The following SUPT3H variants were observed in gnomAD, a reference collection of about 807,000 sequenced individuals.
SUPT3H encodes transcription initiation protein SPT3 homolog.
A neutral mutation model predicts 44.3 loss-of-function variants in SUPT3H; 44 were observed. The observed-to-expected ratio is 0.99, with a 90% CI of 0.78 to 1.28. The LOEUF (loss-of-function observed/expected upper bound fraction) is 1.28. Among genes scored for constraint, SUPT3H ranks in the 50% most tolerant of loss-of-function variants. The probability of loss-of-function intolerance (pLI) is 0.00; values close to 1 mark genes in which losing one functional copy is unlikely to be tolerated. For missense variants in SUPT3H, 380 were observed against 387.1 expected (o/e 0.98, Z 0.15); for synonymous variants, 124 against 125.6 (o/e 0.99, Z 0.09).
At chr6:45,344,668 T>C (rs1325433146) in intron 2 of SUPT3H, among the ~76,000 whole-genome samples, 1 of 152,136 alleles carries the variant, frequency 6.6e-6, no homozygotes, top group East Asian at 1.9e-4. Flanking sequence ...ATGTTAACTT[T>C]TTAGGTAAAG....
chr6:45,290,876 A>G (rs76892110), intron 2 of SUPT3H, among the ~76,000 whole-genome samples: 3,624 of 152,280 alleles, frequency 0.024, 84 homozygotes, highest in Non-Finnish European at 0.04. Context: ...AGGCCCAAGA[A>G]AATGGATGGA....
At chr6:45,020,497 C>A in intron 4 of SUPT3H, 49 bp downstream of exon 4, 1 of 1,420,818 alleles carries the variant, frequency 7.0e-7, no homozygotes, top group South Asian at 1.2e-5. Context: ...CATGCAAGTT[C>A]AATTAAACAA....
chr6:45,316,551 A>AAG (rs1373323412), intron 2 of SUPT3H, among the ~76,000 whole-genome samples: 1 of 152,170 alleles, frequency 6.6e-6, no homozygotes, highest in African/African-American at 2.4e-5. Context: ...CTCTGGAATA[A>AAG]ACTGTTAGAA....
chr6:44,959,682 A>G (rs1032878803), intron 7 of SUPT3H, among the ~76,000 whole-genome samples: 1 of 152,188 alleles, frequency 6.6e-6, no homozygotes, highest in Non-Finnish European at 1.5e-5. Context: ...TATGAAAACA[A>G]AAGACTGAAT....
At chr6:45,219,054 G>A (rs566953017) in intron 2 of SUPT3H, among the ~76,000 whole-genome samples, 29 of 152,030 alleles carry the variant, frequency 1.9e-4, no homozygotes, top group African/African-American at 6.5e-4. Flanking sequence ...TCATAAAACT[G>A]AATGAAAATA....
At chr6:45,281,242 G>T (rs373952371) in intron 2 of SUPT3H, among the ~76,000 whole-genome samples, 8 of 152,304 alleles carry the variant, frequency 5.3e-5, no homozygotes, top group African/African-American at 1.9e-4. Flanking sequence ...CAGACAGTGG[G>T]GACAGGACAG....
intron 2 of SUPT3H, among the ~76,000 whole-genome samples, chr6:45,268,210 GA>G (rs1262550500): frequency 6.6e-6 from 1 of 152,102 alleles, no homozygotes; most frequent in Non-Finnish European, 1.5e-5. Flanking sequence ...GACAGACTCA[GA>G]GACCCAAATA....
intron 2 of SUPT3H, among the ~76,000 whole-genome samples, chr6:45,141,774 C>A (rs138619980): frequency 2.0e-5 from 3 of 152,260 alleles, no homozygotes; most frequent in East Asian, 3.9e-4. Flanking sequence ...CAGATGGATT[C>A]ACAGATGAAT....
chr6:44,871,197 G>T (rs1443197937), intron 10 of SUPT3H, among the ~76,000 whole-genome samples: 3 of 146,896 alleles, frequency 2.0e-5, no homozygotes, highest in East Asian at 2.1e-4. Context: ...TGGGGGCAGG[G>T]CACAGACAAA....
chr6:45,181,694 C>G (rs1428803814), intron 2 of SUPT3H, among the ~76,000 whole-genome samples: 1 of 127,312 alleles, frequency 7.9e-6, no homozygotes, highest in African/African-American at 3.1e-5. Flanking sequence ...GGAAGGGGAA[C>G]ATCACACTCT....
intron 10 of SUPT3H, among the ~76,000 whole-genome samples, chr6:44,900,725 T>C (rs1764869937): frequency 6.6e-6 from 1 of 152,142 alleles, no homozygotes; most frequent in Admixed American, 6.5e-5. Flanking sequence ...GACTGCCTCC[T>C]CAAGTGGGTC....
chr6:44,981,077 G>A (rs1161049337), intron 6 of SUPT3H, among the ~76,000 whole-genome samples: 2 of 152,144 alleles, frequency 1.3e-5, no homozygotes, highest in Non-Finnish European at 2.9e-5. Context: ...CCAGCTGGTG[G>A]GATGGATCAC....
At chr6:44,908,237 T>C (rs1256899201) in intron 10 of SUPT3H, among the ~76,000 whole-genome samples, 4 of 151,322 alleles carry the variant, frequency 2.6e-5, no homozygotes, top group African/African-American at 4.9e-5. Flanking sequence ...CTGCAAGCTC[T>C]GCCTCCTGGG....
At chr6:44,835,224 T>A (rs1455331898) in intron 10 of SUPT3H, among the ~76,000 whole-genome samples, 1 of 152,112 alleles carries the variant, frequency 6.6e-6, no homozygotes, top group East Asian at 1.9e-4. Flanking sequence ...ATGGCCTGCG[T>A]GGAGCTGTTT....
At chr6:45,240,435 C>T (rs998098861) in intron 2 of SUPT3H, among the ~76,000 whole-genome samples, 41 of 152,172 alleles carry the variant, frequency 2.7e-4, no homozygotes, top group Admixed American at 5.2e-4. Context: ...TGTAATCACT[C>T]TATGACACAT....
At chr6:45,158,299 T>TATATA (rs1491302388) in intron 2 of SUPT3H, among the ~76,000 whole-genome samples, 141 of 13,372 alleles carry the variant, frequency 0.011, 5 homozygotes, top group African/African-American at 0.031. Context: ...TATATATATA[T>TATATA]TTTTTTTTTT....
intron 2 of SUPT3H, among the ~76,000 whole-genome samples, chr6:45,199,843 G>T (rs1295655596): frequency 6.6e-6 from 1 of 151,290 alleles, no homozygotes; most frequent in Admixed American, 6.6e-5. Context: ...TTGAACTCAG[G>T]TTTTTCAAAG....
intron 2 of SUPT3H, among the ~76,000 whole-genome samples, chr6:45,169,001 T>G (rs1810363982): frequency 6.6e-6 from 1 of 152,216 alleles, no homozygotes; most frequent in Non-Finnish European, 1.5e-5. Context: ...GAACTTTGAA[T>G]GAATGACTGA....
At chr6:45,128,061 T>C in intron 2 of SUPT3H, among the ~76,000 whole-genome samples, 1 of 152,200 alleles carries the variant, frequency 6.6e-6, no homozygotes, top group East Asian at 1.9e-4. Flanking sequence ...ATGCTTGTTA[T>C]TCTGACGCTT....
Sources: allele counts gnomAD v4.1 joint callset (sites outside exome capture counted in the v4.1 genomes callset), GRCh38; gene constraint gnomAD v4.1.1; transcripts MANE v1.5; gene names NCBI Gene and HGNC (gene_info 2026-07-23, HGNC 2026-07-21).